ENTPD3: variants seen among roughly 807,000 people sequenced by gnomAD.
ENTPD3 encodes ectonucleoside triphosphate diphosphohydrolase 3, also known as CD39 antigen-like 3.
Under a neutral mutation model 51.2 loss-of-function variants are expected in ENTPD3, and 60 were observed. That is an observed-to-expected ratio of 1.17 (90% confidence interval 0.95 to 1.45). ENTPD3 has a LOEUF of 1.45. Ranked by LOEUF, ENTPD3 falls within the 40% of genes most tolerant of loss-of-function variation. ENTPD3 has a pLI of 0.00. For synonymous variants in ENTPD3, 221 were observed against 238.4 expected, an observed-to-expected ratio of 0.93 and a Z score of 0.67; for missense variants, 593 against 641.1, an observed-to-expected ratio of 0.93 and a Z score of 0.81.
chr3:40,425,971 T>A (rs1378414646), intron 10 of ENTPD3, among the ~76,000 whole-genome samples: 2 of 151,422 alleles, frequency 1.3e-5, no homozygotes, highest in Non-Finnish European at 2.9e-5. Context: ...AAAAACTCCA[T>A]TCATATGACT....
In ENTPD3 at chr3:40,408,017, T is replaced by TC. The variant is rs147862877; in HGVS notation, c.287-3794dup. Among the ~76,000 whole-genome samples, 998 of 152,244 alleles carry TC rather than the reference T, an allele frequency of 6.6e-3. 7 individuals carry two copies. Among genetic ancestry groups the TC allele is most frequent in the African/African-American group, 0.014 (567 of 41,530 alleles). On this transcript the variant is annotated intron_variant, in intron 4 of 10. Transcript: ENST00000301825. ...AAACACAGAAGACAAAGGAACATGT[T>TC]CAAGGACACCTCACGGATCCAATCA...
At position 40,395,560 on chromosome 3, in the gene ENTPD3, G is replaced by T. The variant is rs76982090; in HGVS notation, c.168+3410G>T. 3.3e-4 allele frequency among the ~76,000 whole-genome samples: 51 copies of T among 152,286 alleles called. No homozygotes were observed. In the East Asian group the frequency reaches 9.7e-3, roughly 29 times the overall value. On this transcript the variant is annotated intron_variant, in intron 3 of 10. Coordinates refer to ENST00000301825, the MANE Select transcript of ENTPD3 (RefSeq NM_001248.4). Reference sequence around the variant, plus strand: ...GCAGGTCGGCACTGTGGGCAACTGGGACTCAGTCCTGCTTGAGACCCTGTG... The same window carrying T: ...GCAGGTCGGCACTGTGGGCAACTGGTACTCAGTCCTGCTTGAGACCCTGTG...
intron 3 of ENTPD3, among the ~76,000 whole-genome samples, chr3:40,400,514 A>G (rs947008731): frequency 6.6e-6 from 1 of 152,144 alleles, no homozygotes; most frequent in Non-Finnish European, 1.5e-5. Context: ...ATGAAGTACA[A>G]TTCTCAACCT....
intron 7 of ENTPD3, among the ~76,000 whole-genome samples, chr3:40,419,367 CTAA>C (rs144716724): frequency 0.25 from 37,671 of 151,842 alleles, 5,652 homozygotes; most frequent in East Asian, 0.48. Flanking sequence ...CCAAAACATT[CTAA>C]TAATAAGTAC....
chr3:40,417,562 G>T (rs1955774915), intron 7 of ENTPD3, among the ~76,000 whole-genome samples: 1 of 152,042 alleles, frequency 6.6e-6, no homozygotes, highest in Non-Finnish European at 1.5e-5. Context: ...CCAACACTGG[G>T]ATTACAATTT....
intron 5 of ENTPD3, among the ~76,000 whole-genome samples, chr3:40,412,832 ATTC>A (rs1422963271): frequency 6.6e-6 from 1 of 152,186 alleles, no homozygotes; most frequent in Non-Finnish European, 1.5e-5. Context: ...TAGTCTCATA[ATTC>A]TTGTTTCTAA....
At chr3:40,422,171 C>T (rs1430430636) in intron 7 of ENTPD3, among the ~76,000 whole-genome samples, 2 of 151,718 alleles carry the variant, frequency 1.3e-5, no homozygotes, top group African/African-American at 4.8e-5. Flanking sequence ...CTTTTCCCAC[C>T]CCTACTTGAA....
chr3:40,422,134 TCACA>T lies in ENTPD3; in HGVS notation c.832-694_832-691del, dbSNP rs3064615. On this transcript the variant is annotated intron_variant, in intron 7 of 10. Transcript: ENST00000301825. Reference sequence around the variant, plus strand: ...CGCTATGCCTGGTACGAGGTAATTGTCACACACACACACACACACACACACCCTT... The same window carrying T: ...CGCTATGCCTGGTACGAGGTAATTGTCACACACACACACACACACACCCTT... 1.5e-3 allele frequency among the ~76,000 whole-genome samples: 227 copies of T among 148,602 alleles called. 1 individual carries two copies. Among genetic ancestry groups the T allele is most frequent in the African/African-American group, 4.6e-3 (186 of 40,446 alleles).
At chr3:40,424,409 C>T (rs1055590628) in intron 10 of ENTPD3, among the ~76,000 whole-genome samples, 1 of 152,106 alleles carries the variant, frequency 6.6e-6, no homozygotes, top group Non-Finnish European at 1.5e-5. Context: ...ATTCAGATAT[C>T]AGAGTAAGAT....
chr3:40,424,431 G>A (rs1430350507), intron 10 of ENTPD3, among the ~76,000 whole-genome samples: 3 of 152,046 alleles, frequency 2.0e-5, no homozygotes, highest in Non-Finnish European at 4.4e-5. Context: ...CAGGCCTTAG[G>A]GCCTGATGGA....
intron 4 of ENTPD3, among the ~76,000 whole-genome samples, chr3:40,402,913 A>G (rs1381857236): frequency 1.3e-5 from 2 of 152,170 alleles, no homozygotes; most frequent in African/African-American, 4.8e-5. Context: ...AGCCTTTTTC[A>G]AAGCCACTTA....
chr3:40,411,775 T>C, intron 4 of ENTPD3, 37 bp from the exon 5 acceptor site: 1 of 1,546,416 alleles, frequency 6.5e-7, no homozygotes, highest in East Asian at 2.3e-5. Context: ...GATTGGTTCC[T>C]GGAAATGCTG....
chr3:40,424,546 T>C (rs1230488035), intron 10 of ENTPD3, among the ~76,000 whole-genome samples: 2 of 151,972 alleles, frequency 1.3e-5, no homozygotes. Context: ...AGCTCAGGGT[T>C]TAATATATTT....
intron 4 of ENTPD3, among the ~76,000 whole-genome samples, chr3:40,404,057 T>C (rs1349514917): frequency 7.2e-6 from 1 of 139,204 alleles, no homozygotes; most frequent in East Asian, 2.7e-4. Context: ...GCCTGAGCCA[T>C]TTCCTCACCT....
chr3:40,424,076 G>A, intron 10 of ENTPD3, 113 bp downstream of exon 10: 2 of 1,543,864 alleles, frequency 1.3e-6, no homozygotes, highest in Middle Eastern at 2.0e-4. Flanking sequence ...CTCACTGGGT[G>A]GAAGCTGATC....
In ENTPD3 at chr3:40,426,387, G is replaced by A. The variant is rs192987886; in HGVS notation, c.1354-885G>A. 4.7e-3 allele frequency among the ~76,000 whole-genome samples: 708 copies of A among 151,990 alleles called. 2 individuals carry two copies. The highest frequency in any genetic ancestry group is 7.2e-3 in the Non-Finnish European group (492 of 67,990). ...CCCAAAGTGCTGGGATTATAGGCGT[G>A]AGCCACCATGACTGGCCACAGATAT... On this transcript the variant is annotated intron_variant, in intron 10 of 10. Transcript: ENST00000301825.
At chr3:40,399,764 T>A (rs1471084048) in intron 3 of ENTPD3, 1 of 152,258 alleles carries the variant, frequency 6.6e-6, no homozygotes, top group Non-Finnish European at 1.5e-5. Context: ...AACTTTCTAG[T>A]GCCTGCTCAA....
chr3:40,425,892 T>C (rs72863262), intron 10 of ENTPD3, among the ~76,000 whole-genome samples: 60,930 of 122,732 alleles, frequency 0.5, 13,883 homozygotes, highest in African/African-American at 0.61. Context: ...AGCAAGACTC[T>C]GTCTCAAAAA....
chr3:40,388,591 C>CAG (rs1954992541), intron 2 of ENTPD3, among the ~76,000 whole-genome samples: 1 of 131,902 alleles, frequency 7.6e-6, no homozygotes, highest in Non-Finnish European at 1.5e-5. Flanking sequence ...CACAGACACA[C>CAG]ACACACACAC....
Sources: allele counts gnomAD v4.1 joint callset (sites outside exome capture counted in the v4.1 genomes callset), GRCh38; gene constraint gnomAD v4.1.1; transcripts MANE v1.5; gene names NCBI Gene and HGNC (gene_info 2026-07-23, HGNC 2026-07-21).